Variants in CIBAR1 observed in about 807,000 individuals in gnomAD.
CIBAR1 encodes CBY1 interacting BAR domain containing 1.
A neutral mutation model predicts 44.0 loss-of-function variants in CIBAR1; 25 were observed. The ratio of observed to expected loss-of-function variants is 0.57; its 90% CI spans 0.41 to 0.79. The LOEUF is 0.79. Ranked by LOEUF, CIBAR1 falls within the 30% of genes least tolerant of loss-of-function variation. CIBAR1 has a pLI of 0.00. For missense variants in CIBAR1, 278 were observed against 344.8 expected (o/e 0.81, Z 1.53); for synonymous variants, 115 against 119.0 (o/e 0.97, Z 0.22).
At chr8:93,718,624 C>A in intron 6 of CIBAR1, 51 bp from the exon 7 acceptor site, 1 of 1,060,416 alleles carries the variant, frequency 9.4e-7, no homozygotes, top group Non-Finnish European at 1.4e-6. Context: ...TTACTATATT[C>A]ATAAAGAAAT....
intron 2 of CIBAR1, chr8:93,702,417 C>A: frequency 2.5e-6 from 1 of 401,236 alleles, no homozygotes; most frequent in Non-Finnish European, 5.0e-6. Flanking sequence ...CCAATAATTT[C>A]AATGCCCCTT....
At chr8:93,726,626 C>A in intron 8 of CIBAR1, 113 bp downstream of exon 8, 1 of 1,210,688 alleles carries the variant, frequency 8.3e-7, no homozygotes, top group Non-Finnish European at 1.2e-6. Context: ...CTCCCCTGGA[C>A]CTATTTCTTC....
intron 2 of CIBAR1, 54 bp downstream of exon 2, chr8:93,701,512 T>A (rs201549981): frequency 2.7e-6 from 4 of 1,481,576 alleles, no homozygotes; most frequent in South Asian, 1.2e-5. Flanking sequence ...AAGTAGTGGA[T>A]GAAGGAACCG....
chr8:93,719,529 C>T (rs1377259499), intron 7 of CIBAR1: 1 of 152,202 alleles, frequency 6.6e-6, no homozygotes, highest in Admixed American at 6.5e-5. Flanking sequence ...TTTACAACTA[C>T]AGAAGCAGGC....
chr8:93,700,550 A>G lies in CIBAR1; in HGVS notation c.-98A>G, dbSNP rs900389230. The G allele has an allele frequency of 4.5e-6, 6 of 1,334,670 alleles. No individual in the cohort carries two copies. Among genetic ancestry groups the G allele is most frequent in the Non-Finnish European group, 5.8e-6 (6 of 1,037,678 alleles). The allele number at this position is 1,334,670 out of a possible 1,614,324, so 82.7% of individuals were successfully genotyped here. On this transcript the variant is annotated 5_prime_UTR_variant, in exon 1 of 9. Transcript: ENST00000518322. ...GCGGCGGCGCGAGGGGCGGGCTTTC[A>G]GGCTCCCGGCGGCTGCTTGCGCCCC... is the stretch of plus-strand genomic sequence containing the variant.
intron 7 of CIBAR1, chr8:93,720,014 T>C (rs1221045155): frequency 6.6e-6 from 1 of 151,250 alleles, no homozygotes; most frequent in African/African-American, 2.4e-5. Context: ...GACAGAGTCT[T>C]GCTCTGTCAC....
intron 8 of CIBAR1, among the ~76,000 whole-genome samples, chr8:93,727,547 G>A (rs754926599): frequency 1.3e-5 from 2 of 152,226 alleles, no homozygotes; most frequent in East Asian, 1.9e-4. Flanking sequence ...AGAAGGGGAC[G>A]GAATACTGTC....
Position 93,700,706 on chromosome 8 carries a change from C to T in CIBAR1, c.26+33C>T, listed in dbSNP as rs1390923347. 6.0e-6 allele frequency: 9 copies of T among 1,492,762 alleles called. No homozygotes were observed. The South Asian group carries it at 1.2e-4, about 19-fold the overall frequency. 92.5% of individuals were successfully genotyped at this position (1,492,762 alleles called of 1,614,324 possible). ...CCCGAGCCCAGCTGCCCAGGGCCGC[C>T]CACACTGGAGGGCTGGGGTGAGGGA... On this transcript the variant is annotated intron_variant, in intron 1 of 8. Transcript: ENST00000518322.
At position 93,707,294 on chromosome 8, in the gene CIBAR1, G is replaced by A. The variant is rs1810631398; in HGVS notation, c.433-717G>A. On this transcript the variant is annotated intron_variant, in intron 4 of 8. Coordinates refer to ENST00000518322, the MANE Select transcript of CIBAR1 (RefSeq NM_145269.5). ...TGTGTTACTTTAGGTGAGTTGCTAT[G>A]CTCAAGTAAAGGGATTTGAGACTTT... is the stretch of plus-strand genomic sequence containing the variant. The A allele has an allele frequency of 2.4e-5, 9 of 375,784 alleles. No homozygotes were observed. In the Middle Eastern group the frequency reaches 3.3e-3, roughly 138 times the overall value. 23.3% of individuals were successfully genotyped at this position (375,784 alleles called of 1,614,324 possible).
chr8:93,714,106 T>A (rs1000924577), intron 6 of CIBAR1, among the ~76,000 whole-genome samples: 13 of 152,182 alleles, frequency 8.5e-5, no homozygotes, highest in Non-Finnish European at 1.5e-4. Flanking sequence ...CATGGGATAT[T>A]TTTCCATTTA....
chr8:93,700,629 C>A lies in CIBAR1; in HGVS notation c.-19C>A, dbSNP rs765351008. On this transcript the variant is annotated 5_prime_UTR_variant, in exon 1 of 9. Coordinates refer to ENST00000518322, the MANE Select transcript of CIBAR1 (RefSeq NM_145269.5). ...CGTCCTTGGGCCCCCGCAAGGTCCC[C>A]GGCCGTGCGCGAGGCAGCATGATGA... is the stretch of plus-strand genomic sequence containing the variant. 2.0e-6 allele frequency: 3 copies of A among 1,498,492 alleles called. No homozygotes were observed. The South Asian group carries it at 3.8e-5, about 19-fold the overall frequency. 92.8% of individuals were successfully genotyped at this position (1,498,492 alleles called of 1,614,324 possible).
chr8:93,701,096 C>CTGGGTCGTTGA (rs1810331256), intron 1 of CIBAR1, 128 bp from the exon 2 acceptor site: 2 of 1,488,056 alleles, frequency 1.3e-6, no homozygotes, highest in East Asian at 4.9e-5. Flanking sequence ...CCGGGAGACG[C>CTGGGTCGTTGA]TGGGTCGTTG....
At chr8:93,712,201 T>C (rs1431279892) in intron 6 of CIBAR1, among the ~76,000 whole-genome samples, 1 of 152,212 alleles carries the variant, frequency 6.6e-6, no homozygotes, top group African/African-American at 2.4e-5. Context: ...TTCAACCTTG[T>C]ACAGTTTAGC....
Position 93,727,933 on chromosome 8 carries a change from A to T in CIBAR1, c.778-272A>T, listed in dbSNP as rs559363039. Among the ~76,000 whole-genome samples, 36 of 146,316 alleles carry T rather than the reference A, an allele frequency of 2.5e-4. No individual in the cohort carries two copies. The South Asian group carries it at 2.5e-3, about 10-fold the overall frequency. The stretch of plus-strand genomic sequence containing the variant: ...TTTATTTTTAATATTCATAATATAG[A>T]GTCTATACTTTTAATGTTTTTGAAG... On this transcript the variant is annotated intron_variant, in intron 8 of 8. Transcript: ENST00000518322.
chr8:93,716,713 G>A (rs1811049868), intron 6 of CIBAR1, among the ~76,000 whole-genome samples: 1 of 151,984 alleles, frequency 6.6e-6, no homozygotes, highest in East Asian at 1.9e-4. Flanking sequence ...TGCTTAGAAA[G>A]GTTTTCATCC....
intron 8 of CIBAR1, 114 bp downstream of exon 8, chr8:93,726,627 CTA>C: frequency 8.3e-7 from 1 of 1,204,000 alleles, no homozygotes; most frequent in Non-Finnish European, 1.2e-6. Context: ...TCCCCTGGAC[CTA>C]TTTCTTCTCT....
intron 7 of CIBAR1, among the ~76,000 whole-genome samples, chr8:93,725,251 A>G (rs1454028949): frequency 6.6e-6 from 1 of 152,142 alleles, no homozygotes; most frequent in African/African-American, 2.4e-5. Flanking sequence ...CCAAAGTGCT[A>G]GGATTATAGG....
At chr8:93,703,071 G>A (rs1810427788) in intron 2 of CIBAR1, among the ~76,000 whole-genome samples, 1 of 152,128 alleles carries the variant, frequency 6.6e-6, no homozygotes, top group African/African-American at 2.4e-5. Context: ...GAAACATACA[G>A]TTTGACAGCT....
chr8:93,708,430 TAC>T (rs1810689866), intron 5 of CIBAR1, among the ~76,000 whole-genome samples: 1 of 152,202 alleles, frequency 6.6e-6, no homozygotes, highest in Non-Finnish European at 1.5e-5. Flanking sequence ...ATTCTTGAAA[TAC>T]AACTAGAGTA....
Sources: gnomAD v4.1 joint callset for allele counts (sites outside exome capture counted in the v4.1 genomes callset) on GRCh38, gnomAD v4.1.1 for gene constraint, MANE v1.5 for transcripts, NCBI Gene and HGNC (gene_info 2026-07-23, HGNC 2026-07-21) for gene names.